The following SLC25A37 variants were observed in gnomAD, a reference collection of about 807,000 sequenced individuals.
The protein encoded by SLC25A37 is mitoferrin-1.
SLC25A37 carries 17 observed loss-of-function variants against 31.0 expected under a neutral mutation model. The observed-to-expected ratio is 0.55, with a 90% CI of 0.38 to 0.82. The LOEUF is 0.82. Ranked by LOEUF, SLC25A37 falls within the 40% of genes least tolerant of loss-of-function variation. The pLI is 0.00. For synonymous variants in SLC25A37, 222 were observed against 193.0 expected (o/e 1.15, Z -1.24); for missense variants, 404 against 465.8 (o/e 0.87, Z 1.22).
Position 23,550,181 on chromosome 8 carries a change from CAAAAAAAA to C in SLC25A37, c.211-15914_211-15907del, listed in dbSNP as rs67552053. Among the ~76,000 whole-genome samples the C allele has an allele frequency of 5.8e-5, 4 of 68,724 alleles. 1 individual carries two copies. Among genetic ancestry groups the C allele is most frequent in the Non-Finnish European group, 5.0e-5 (2 of 39,934 alleles). 45.1% of individuals were successfully genotyped at this position (68,724 alleles called of 152,430 possible). A position where few individuals can be genotyped will look rare whatever the true frequency, so the allele number is the denominator to read the frequency against. ...GGGCAACAAGAGCGAAATTCCGTTT[CAAAAAAAA>C]AAAAAAAAAAAACACAAAAAAACAA... On this transcript the variant is annotated intron_variant, in intron 1 of 3. Coordinates refer to ENST00000519973, the MANE Select transcript of SLC25A37 (RefSeq NM_016612.4).
In SLC25A37 at chr8:23,550,220, C is replaced by T. The variant is rs117601768; in HGVS notation, c.211-15888C>T. Among the ~76,000 whole-genome samples, 12 of 135,918 alleles carry T rather than the reference C, an allele frequency of 8.8e-5. 1 individual carries two copies. Among genetic ancestry groups the T allele is most frequent in the Non-Finnish European group, 1.2e-4 (8 of 66,830 alleles). 89.2% of individuals were successfully genotyped at this position (135,918 alleles called of 152,430 possible). A position where few individuals can be genotyped will look rare whatever the true frequency, so the allele number is the denominator to read the frequency against. ...AAAAAAACACAAAAAAACAAAAACC[C>T]GCTTTGTTACCTGCCTGTGGGTGGA... On this transcript the variant is annotated intron_variant, in intron 1 of 3. Transcript: ENST00000519973.
At chr8:23,551,928 A>T (rs1449236091) in intron 1 of SLC25A37, among the ~76,000 whole-genome samples, 2 of 152,086 alleles carry the variant, frequency 1.3e-5, no homozygotes, top group Non-Finnish European at 2.9e-5. Flanking sequence ...TGCTGCAGGG[A>T]CTGTGACCTG....
In SLC25A37 at chr8:23,574,153, G is replaced by C; in HGVS notation, c.*2298G>C. On this transcript the variant is annotated 3_prime_UTR_variant, in exon 4 of 4. Transcript: ENST00000519973. ...TGATTTCTCTAGGAGCACTCCTTTG[G>C]TTAGAGGGATGCAAGAAGGAGAGGT... 3.4e-6 allele frequency: 1 copy of C among 298,338 alleles called. No homozygotes were observed. Among genetic ancestry groups the C allele is most frequent in the Non-Finnish European group, 6.7e-6 (1 of 148,252 alleles). 18.5% of individuals were successfully genotyped at this position (298,338 alleles called of 1,614,324 possible). A position where few individuals can be genotyped will look rare whatever the true frequency, so the allele number is the denominator to read the frequency against.
intron 1 of SLC25A37, among the ~76,000 whole-genome samples, chr8:23,542,159 G>A (rs1367769685): frequency 6.6e-6 from 1 of 152,134 alleles, no homozygotes; most frequent in Admixed American, 6.5e-5. Flanking sequence ...GATTATAGTG[G>A]AGCTGAAAAA....
intron 1 of SLC25A37, among the ~76,000 whole-genome samples, chr8:23,539,561 C>T (rs188570350): frequency 1.9e-4 from 29 of 152,268 alleles, no homozygotes; most frequent in African/African-American, 5.5e-4. Context: ...CAAACTGGGG[C>T]GGGGTGTGGG....
At chr8:23,532,230 T>C (rs1286173196) in intron 1 of SLC25A37, among the ~76,000 whole-genome samples, 3 of 152,170 alleles carry the variant, frequency 2.0e-5, no homozygotes, top group African/African-American at 7.2e-5. Context: ...TGAGCACTCA[T>C]TCATCCATAA....
chr8:23,535,175 C>T (rs1801740478), intron 1 of SLC25A37, among the ~76,000 whole-genome samples: 1 of 152,194 alleles, frequency 6.6e-6, no homozygotes, highest in Non-Finnish European at 1.5e-5. Context: ...TGGCTTGCCC[C>T]ACCTGGGTCC....
chr8:23,556,427 T>G (rs1289191091), intron 1 of SLC25A37, among the ~76,000 whole-genome samples: 1 of 152,054 alleles, frequency 6.6e-6, no homozygotes, highest in Non-Finnish European at 1.5e-5. Context: ...GGTCTTGCTA[T>G]GTTGTCCAGA....
At chr8:23,544,654 C>A (rs988766906) in intron 1 of SLC25A37, among the ~76,000 whole-genome samples, 1 of 152,154 alleles carries the variant, frequency 6.6e-6, no homozygotes, top group Non-Finnish European at 1.5e-5. Flanking sequence ...CTATCTAGAC[C>A]TGAAGGAGAT....
chr8:23,553,784 C>T (rs528593004), intron 1 of SLC25A37, among the ~76,000 whole-genome samples: 1 of 152,314 alleles, frequency 6.6e-6, no homozygotes, highest in South Asian at 2.1e-4. Context: ...GGTTGTGGAA[C>T]AGATAAGTTG....
At chr8:23,540,082 T>C (rs1801858124) in intron 1 of SLC25A37, among the ~76,000 whole-genome samples, 1 of 152,264 alleles carries the variant, frequency 6.6e-6, no homozygotes, top group Non-Finnish European at 1.5e-5. Flanking sequence ...TTGTTAATTT[T>C]ATATTATTTT....
At chr8:23,538,745 A>G (rs984665230) in intron 1 of SLC25A37, among the ~76,000 whole-genome samples, 1 of 152,202 alleles carries the variant, frequency 6.6e-6, no homozygotes, top group Non-Finnish European at 1.5e-5. Flanking sequence ...CCCTGAGCTA[A>G]GGCGACAGAA....
intron 1 of SLC25A37, among the ~76,000 whole-genome samples, chr8:23,543,894 T>C (rs1187903133): frequency 6.6e-6 from 1 of 151,982 alleles, no homozygotes; most frequent in Non-Finnish European, 1.5e-5. Context: ...GAGTTTCACT[T>C]TTGTTGCCCA....
At chr8:23,533,471 C>G (rs921794088) in intron 1 of SLC25A37, among the ~76,000 whole-genome samples, 2 of 152,182 alleles carry the variant, frequency 1.3e-5, no homozygotes, top group Admixed American at 6.5e-5. Flanking sequence ...CACTTGGGCA[C>G]GTTTCAGCTG....
intron 1 of SLC25A37, among the ~76,000 whole-genome samples, chr8:23,546,529 GTGTATA>G (rs72443215): frequency 0.33 from 20,962 of 64,140 alleles, 2,610 homozygotes; most frequent in Admixed American, 0.49. Context: ...ATATATATAG[GTGTATA>G]TATATATATA....
At chr8:23,559,636 A>T (rs1255373137) in intron 1 of SLC25A37, among the ~76,000 whole-genome samples, 1 of 152,022 alleles carries the variant, frequency 6.6e-6, no homozygotes, top group Non-Finnish European at 1.5e-5. Flanking sequence ...TACCCATAAA[A>T]CAAGAACTCT....
intron 1 of SLC25A37, among the ~76,000 whole-genome samples, chr8:23,546,636 T>C (rs151323042): frequency 0.02 from 2,828 of 143,570 alleles, 46 homozygotes; most frequent in East Asian, 0.061. Flanking sequence ...ATATATATAT[T>C]TGGGCCAGGA....
At chr8:23,537,729 A>G (rs893900517) in intron 1 of SLC25A37, among the ~76,000 whole-genome samples, 2 of 152,210 alleles carry the variant, frequency 1.3e-5, no homozygotes, top group Non-Finnish European at 2.9e-5. Flanking sequence ...GTTTTTTGTC[A>G]CACTGGGATC....
chr8:23,540,488 A>C (rs12548201), intron 1 of SLC25A37, among the ~76,000 whole-genome samples: 56,925 of 152,034 alleles, frequency 0.37, 12,360 homozygotes, highest in East Asian at 0.62. Flanking sequence ...GCTCTAACGT[A>C]TAGTTAGGAG....
Sources: allele counts gnomAD v4.1 joint callset (sites outside exome capture counted in the v4.1 genomes callset), GRCh38; gene constraint gnomAD v4.1.1; transcripts MANE v1.5; gene names NCBI Gene and HGNC (gene_info 2026-07-23, HGNC 2026-07-21).